Variants in ATRNL1 observed in about 807,000 individuals in gnomAD.
The protein encoded by ATRNL1 is attractin like 1.
A neutral mutation model predicts 182.7 loss-of-function variants in ATRNL1; 95 were observed. That is an observed-to-expected ratio of 0.52 (90% CI 0.44 to 0.62). ATRNL1 has a LOEUF of 0.62. Ranked by LOEUF, ATRNL1 falls within the 20% of genes least tolerant of loss-of-function variation. ATRNL1 has a pLI of 0.00. For synonymous variants in ATRNL1, 576 were observed against 568.3 expected, an observed-to-expected ratio of 1.01 and a Z score of -0.19; for missense variants, 1,471 against 1,679.5, an observed-to-expected ratio of 0.88 and a Z score of 2.17.
At chr10:115,440,427 G>A (rs1846614874) in intron 21 of ATRNL1, among the ~76,000 whole-genome samples, 1 of 151,796 alleles carries the variant, frequency 6.6e-6, no homozygotes, top group African/African-American at 2.4e-5. Flanking sequence ...CCGATACCTT[G>A]TCATTAATAA....
chr10:115,138,197 C>T (rs1845603601), intron 5 of ATRNL1, among the ~76,000 whole-genome samples: 1 of 152,188 alleles, frequency 6.6e-6, no homozygotes, highest in Non-Finnish European at 1.5e-5. Context: ...GTCCCACCTC[C>T]CACTTGCTTT....
chr10:115,258,762 T>C (rs1554907809), intron 10 of ATRNL1, among the ~76,000 whole-genome samples: 2 of 152,224 alleles, frequency 1.3e-5, no homozygotes, highest in African/African-American at 2.4e-5. Flanking sequence ...TTTATCTACC[T>C]TTGGTCTTTG....
intron 26 of ATRNL1, among the ~76,000 whole-genome samples, chr10:115,609,868 C>A (rs1857064939): frequency 1.3e-5 from 2 of 152,112 alleles, no homozygotes; most frequent in Non-Finnish European, 2.9e-5. Flanking sequence ...TAGATTTGTT[C>A]TTACGGTATC....
intron 25 of ATRNL1, among the ~76,000 whole-genome samples, chr10:115,528,591 T>C (rs1250862646): frequency 1.3e-5 from 2 of 152,028 alleles, no homozygotes; most frequent in African/African-American, 4.8e-5. Context: ...ACTTTTGGTA[T>C]TGTTGATTTT....
At chr10:115,394,558 A>G (rs182411947) in intron 19 of ATRNL1, 101 bp from the exon 20 acceptor site, 10 of 866,142 alleles carry the variant, frequency 1.2e-5, no homozygotes, top group African/African-American at 8.4e-5. Flanking sequence ...GGCAAGAGGA[A>G]GTTACAGGAC....
At chr10:115,603,032 G>T (rs1280168051) in intron 26 of ATRNL1, among the ~76,000 whole-genome samples, 3 of 152,150 alleles carry the variant, frequency 2.0e-5, no homozygotes, top group African/African-American at 7.2e-5. Flanking sequence ...GGTCTGAAAA[G>T]TTCCTGAGTA....
chr10:115,758,859 C>CT (rs782434568), intron 27 of ATRNL1, among the ~76,000 whole-genome samples: 2 of 152,188 alleles, frequency 1.3e-5, no homozygotes, highest in Non-Finnish European at 2.9e-5. Flanking sequence ...TAGCAGAATA[C>CT]TTTTAATTCT....
At chr10:115,538,920 C>A (rs1370168752) in intron 25 of ATRNL1, among the ~76,000 whole-genome samples, 1 of 152,148 alleles carries the variant, frequency 6.6e-6, no homozygotes, top group East Asian at 1.9e-4. Context: ...TTTAGATACA[C>A]AAAAACCATT....
rs148327220 is a variant in ATRNL1, at chr10:115,664,851, G to A, written c.3796-62397G>A. ...CCTAACTGTAATTTTATCCAGCGGT[G>A]AAAATCTACAGGATCAGGGTCACCT... On this transcript the variant is annotated intron_variant, in intron 26 of 28. Transcript: ENST00000355044. Among the ~76,000 whole-genome samples, 1,120 of 152,154 alleles carry A rather than the reference G, an allele frequency of 7.4e-3. 13 individuals carry two copies. Among genetic ancestry groups the A allele is most frequent in the African/African-American group, 0.026 (1,066 of 41,522 alleles).
intron 27 of ATRNL1, among the ~76,000 whole-genome samples, chr10:115,796,363 C>A (rs1555082941): frequency 6.6e-6 from 1 of 152,084 alleles, no homozygotes; most frequent in Admixed American, 6.5e-5. Flanking sequence ...TGGACACCTA[C>A]CTTGCTCTGC....
intron 27 of ATRNL1, among the ~76,000 whole-genome samples, chr10:115,749,459 T>C (rs782719097): frequency 2.0e-5 from 3 of 151,870 alleles, no homozygotes; most frequent in Non-Finnish European, 4.4e-5. Flanking sequence ...TCATTATATA[T>C]TAGTAAAAAA....
At chr10:115,412,283 C>G (rs1453023632) in intron 20 of ATRNL1, among the ~76,000 whole-genome samples, 1 of 151,992 alleles carries the variant, frequency 6.6e-6, no homozygotes, top group Non-Finnish European at 1.5e-5. Context: ...TAAATTTTGC[C>G]AAAAACCTGA....
At chr10:115,552,734 A>T (rs560973610) in intron 26 of ATRNL1, among the ~76,000 whole-genome samples, 2 of 150,472 alleles carry the variant, frequency 1.3e-5, no homozygotes, top group Admixed American at 6.6e-5. Context: ...AACACACATT[A>T]AAAAAATGAA....
At position 115,491,439 on chromosome 10, in the gene ATRNL1, C is replaced by G. The variant is rs1019901176; in HGVS notation, c.3654+22110C>G. Among the ~76,000 whole-genome samples the G allele has an allele frequency of 3.3e-5, 5 of 151,140 alleles. No homozygotes were observed. The East Asian group carries it at 9.7e-4, about 29-fold the overall frequency. ...GCTGCCTTTTTTTTTTCAGAGATGTCCTGCACAGAGTGGAGGAATCTAGAG... is the reference window on the plus strand; with the variant it reads ...GCTGCCTTTTTTTTTTCAGAGATGTGCTGCACAGAGTGGAGGAATCTAGAG... On this transcript the variant is annotated intron_variant, in intron 24 of 28. Coordinates refer to ENST00000355044, the MANE Select transcript of ATRNL1 (RefSeq NM_207303.4).
chr10:115,576,247 C>T (rs868921726), intron 26 of ATRNL1, among the ~76,000 whole-genome samples: 4 of 151,998 alleles, frequency 2.6e-5, no homozygotes, highest in Middle Eastern at 3.4e-3. Flanking sequence ...TTTGGATGTA[C>T]GTATACAAAG....
At chr10:115,609,959 T>C (rs1231919888) in intron 26 of ATRNL1, among the ~76,000 whole-genome samples, 1 of 152,168 alleles carries the variant, frequency 6.6e-6, no homozygotes, top group Non-Finnish European at 1.5e-5. Context: ...AGTCTAATCA[T>C]GTGGACAGAA....
intron 28 of ATRNL1, among the ~76,000 whole-genome samples, chr10:115,883,227 A>G (rs1248567768): frequency 6.6e-6 from 1 of 152,178 alleles, no homozygotes; most frequent in African/African-American, 2.4e-5. Context: ...GCAAGCTCCA[A>G]TGGAGAATAA....
chr10:115,716,356 T>G (rs1202506409), intron 26 of ATRNL1, among the ~76,000 whole-genome samples: 3 of 152,164 alleles, frequency 2.0e-5, no homozygotes, highest in Non-Finnish European at 4.4e-5. Flanking sequence ...AATATATGTA[T>G]TGATTAAAAG....
At chr10:115,822,972 C>T (rs577588409) in intron 27 of ATRNL1, among the ~76,000 whole-genome samples, 1 of 152,128 alleles carries the variant, frequency 6.6e-6, no homozygotes, top group South Asian at 2.1e-4. Context: ...GGCAGAGACA[C>T]AACAAGAAAA....
Sources: allele counts gnomAD v4.1 joint callset (sites outside exome capture counted in the v4.1 genomes callset), GRCh38; gene constraint gnomAD v4.1.1; transcripts MANE v1.5; gene names NCBI Gene and HGNC (gene_info 2026-07-23, HGNC 2026-07-21).